The following ABCB5 variants were observed in gnomAD, a reference collection of about 807,000 sequenced individuals.
ABCB5 encodes the protein ATP-binding cassette sub-family B member 5.
A neutral mutation model predicts 144.2 loss-of-function variants in ABCB5; 155 were observed. That is an observed-to-expected ratio of 1.08 (90% confidence interval 0.94 to 1.23). The LOEUF is 1.23. ABCB5 is among the 50% of genes most tolerant of loss of function. The pLI is 0.00. For synonymous variants in ABCB5, 610 were observed against 528.6 expected (o/e 1.15, Z -2.11); for missense variants, 1,830 against 1,520.8 (o/e 1.20, Z -3.38).
At chr7:20,710,327 A>T (rs1786984602) in intron 20 of ABCB5, among the ~76,000 whole-genome samples, 1 of 119,782 alleles carries the variant, frequency 8.3e-6, no homozygotes, top group African/African-American at 3.2e-5. Flanking sequence ...AGATCGTGCC[A>T]TTGCACTCCA....
rs772590983 is a variant in ABCB5, at chr7:20,651,629, T to A, written c.1536+6T>A. The A allele has an allele frequency of 6.2e-7, 1 of 1,613,704 alleles. No homozygotes were observed. The highest frequency in any genetic ancestry group is 1.1e-5 in the South Asian group (1 of 91,050). ...TTATCATGGAGTTTCCTAATGTGAG[T>A]ACACTGTGCAGCCTGTGTCCTTAGC... On this transcript the variant is annotated splice_donor_region_variant and intron_variant, in intron 13 of 27. Coordinates refer to ENST00000404938, the MANE Select transcript of ABCB5 (RefSeq NM_001163941.2).
chr7:20,702,755 G>A (rs973511593), intron 19 of ABCB5, among the ~76,000 whole-genome samples: 1 of 149,188 alleles, frequency 6.7e-6, no homozygotes, highest in Non-Finnish European at 1.5e-5. Flanking sequence ...TCCGCCTCCA[G>A]GGTTCACGCC....
chr7:20,662,127 A>G (rs1785022199), intron 14 of ABCB5, among the ~76,000 whole-genome samples: 1 of 152,230 alleles, frequency 6.6e-6, no homozygotes, highest in East Asian at 1.9e-4. Flanking sequence ...TAAAAGTGGT[A>G]TGCAAATCTA....
chr7:20,643,694 G>A, intron 7 of ABCB5, 62 bp downstream of exon 7: 2 of 1,570,890 alleles, frequency 1.3e-6, no homozygotes, highest in East Asian at 4.5e-5. Context: ...ATGACTCACT[G>A]AGTTTGTTCA....
chr7:20,637,620 A>C lies in ABCB5; in HGVS notation c.314+5507A>C, dbSNP rs183717189. Among the ~76,000 whole-genome samples, 569 of 152,152 alleles carry C rather than the reference A, an allele frequency of 3.7e-3. 1 individual carries two copies. The highest frequency in any genetic ancestry group is 0.012 in the African/African-American group (501 of 41,508). ...TTTTTAGTAGAAATGGGGGTTCTCCATGTTGGTCAGGCTGGTCTTGAACTC... is the reference window on the plus strand; with the variant it reads ...TTTTTAGTAGAAATGGGGGTTCTCCCTGTTGGTCAGGCTGGTCTTGAACTC... On this transcript the variant is annotated intron_variant, in intron 5 of 27. Coordinates refer to ENST00000404938, the MANE Select transcript of ABCB5 (RefSeq NM_001163941.2).
intron 14 of ABCB5, among the ~76,000 whole-genome samples, chr7:20,669,212 C>G (rs1422906368): frequency 6.9e-6 from 1 of 145,270 alleles, no homozygotes; most frequent in African/African-American, 2.6e-5. Flanking sequence ...GGCCACGACC[C>G]CGTCTGGGAG....
intron 7 of ABCB5, 150 bp from the exon 8 acceptor site, chr7:20,645,606 G>T (rs1784384077): frequency 1.8e-5 from 17 of 956,836 alleles, no homozygotes; most frequent in South Asian, 1.4e-4. Flanking sequence ...TTACCTCTTA[G>T]TATTTGAAGA....
rs567787093 is a variant in ABCB5 at position 20,690,688 on chromosome 7, G to A, written c.2010+4852G>A. 7.2e-5 allele frequency among the ~76,000 whole-genome samples: 11 copies of A among 152,172 alleles called. No homozygotes were observed. The East Asian group carries it at 9.7e-4, about 13-fold the overall frequency. Reference sequence around the variant, plus strand: ...GATTGGTCTCACTAAAGCTGTCAGCGGAGAAATAAAATATAGATGGATAAA... The same window carrying A: ...GATTGGTCTCACTAAAGCTGTCAGCAGAGAAATAAAATATAGATGGATAAA... On this transcript the variant is annotated intron_variant, in intron 16 of 27. Transcript: ENST00000404938.
chr7:20,718,611 T>TG (rs887223658), intron 20 of ABCB5, among the ~76,000 whole-genome samples: 24 of 152,200 alleles, frequency 1.6e-4, no homozygotes, highest in African/African-American at 4.1e-4. Flanking sequence ...GGCAGAGCCC[T>TG]GGGGGGGAGG....
At chr7:20,730,117 A>G (rs1364707116) in intron 23 of ABCB5, among the ~76,000 whole-genome samples, 2 of 152,242 alleles carry the variant, frequency 1.3e-5, no homozygotes, top group Admixed American at 6.5e-5. Flanking sequence ...CCAACCCAGT[A>G]TTCCTAAATC....
intron 16 of ABCB5, among the ~76,000 whole-genome samples, chr7:20,693,500 T>C (rs1351785689): frequency 6.6e-6 from 1 of 152,100 alleles, no homozygotes; most frequent in Non-Finnish European, 1.5e-5. Context: ...TTCTAAATAA[T>C]GCACAAATCA....
chr7:20,732,246 C>T (rs1270593400), intron 23 of ABCB5, among the ~76,000 whole-genome samples: 1 of 152,194 alleles, frequency 6.6e-6, no homozygotes, highest in East Asian at 1.9e-4. Flanking sequence ...TTTCTTACCA[C>T]TCAGGCTTCC....
intron 9 of ABCB5, among the ~76,000 whole-genome samples, chr7:20,646,799 T>G (rs1219271259): frequency 6.6e-6 from 1 of 152,222 alleles, no homozygotes. Flanking sequence ...CTTACAGATT[T>G]CTCTTCTTTC....
At chr7:20,668,078 C>G (rs1236041224) in intron 14 of ABCB5, among the ~76,000 whole-genome samples, 99 of 103,718 alleles carry the variant, frequency 9.5e-4, no homozygotes, top group African/African-American at 4.3e-3. Flanking sequence ...GCTACAACCT[C>G]CACCTCCCAG....
intron 16 of ABCB5, among the ~76,000 whole-genome samples, chr7:20,686,464 T>C (rs1786003597): frequency 6.6e-6 from 1 of 152,074 alleles, no homozygotes; most frequent in Non-Finnish European, 1.5e-5. Flanking sequence ...TTTCCTTCTC[T>C]TAACACGCCC....
intron 26 of ABCB5, 57 bp from the exon 27 acceptor site, chr7:20,753,303 G>C (rs1237338867): frequency 6.4e-7 from 1 of 1,556,288 alleles, no homozygotes; most frequent in African/African-American, 1.4e-5. Context: ...GCCCACAGTT[G>C]CCATGCTAAT....
In ABCB5 at chr7:20,744,332, T is replaced by C. The variant is rs555213062; in HGVS notation, c.3223-900T>C. On this transcript the variant is annotated intron_variant, in intron 25 of 27. Transcript: ENST00000404938. ...ATCTGCCCACCTCAGCCTCCCAGTCTCCTCATGTTCTTTAAACACACCTAT... is the reference window on the plus strand; with the variant it reads ...ATCTGCCCACCTCAGCCTCCCAGTCCCCTCATGTTCTTTAAACACACCTAT... Among the ~76,000 whole-genome samples the C allele has an allele frequency of 2.5e-3, 388 of 152,242 alleles. 1 individual carries two copies. Among genetic ancestry groups the C allele is most frequent in the African/African-American group, 8.9e-3 (370 of 41,532 alleles).
At position 20,699,648 on chromosome 7, in the gene ABCB5, C is replaced by G. The variant is rs142101656; in HGVS notation, c.2155-177C>G. On this transcript the variant is annotated intron_variant, in intron 17 of 27. Coordinates refer to ENST00000404938, the MANE Select transcript of ABCB5 (RefSeq NM_001163941.2). ...CCTGGGAGGCAGAGGTTGCATTGAG[C>G]CAAGACTGAGATCGCAACACTGCAC... Among the ~76,000 whole-genome samples, 166 of 151,990 alleles carry G rather than the reference C, an allele frequency of 1.1e-3. 5 individuals are homozygous for G. The East Asian group carries it at 0.024, about 22-fold the overall frequency.
intron 14 of ABCB5, chr7:20,667,053 T>G: frequency 1.8e-6 from 1 of 548,612 alleles, no homozygotes; most frequent in Non-Finnish European, 2.5e-6. Flanking sequence ...ATTTTTCTAG[T>G]ACACTTGATA....
Sources: allele counts gnomAD v4.1 joint callset (sites outside exome capture counted in the v4.1 genomes callset), GRCh38; gene constraint gnomAD v4.1.1; transcripts MANE v1.5; gene names NCBI Gene and HGNC (gene_info 2026-07-23, HGNC 2026-07-21).